The following SORCS1 variants were observed in gnomAD, a reference collection of about 807,000 sequenced individuals.
The protein encoded by SORCS1 is VPS10 domain-containing receptor SorCS1.
Under a neutral mutation model 146.1 loss-of-function variants are expected in SORCS1, and 60 were observed. The observed-to-expected ratio is 0.41, with a 90% CI of 0.33 to 0.51. The LOEUF (loss-of-function observed/expected upper bound fraction) is 0.51, where lower values mean the gene tolerates loss of function less well. Ranked by LOEUF, SORCS1 falls within the 20% of genes least tolerant of loss-of-function variation. SORCS1 has a pLI of 0.21. For missense variants in SORCS1, 1,352 were observed against 1,487.6 expected, an observed-to-expected ratio of 0.91 and a Z score of 1.50; for synonymous variants, 637 against 584.0, an observed-to-expected ratio of 1.09 and a Z score of -1.31.
chr10:106,759,212 TG>T (rs1858891024), intron 5 of SORCS1, among the ~76,000 whole-genome samples: 1 of 152,192 alleles, frequency 6.6e-6, no homozygotes, highest in Non-Finnish European at 1.5e-5. Context: ...CTATTCTGCC[TG>T]TAACTCTAAA....
intron 3 of SORCS1, among the ~76,000 whole-genome samples, chr10:106,792,013 T>C (rs930279461): frequency 6.6e-6 from 1 of 152,242 alleles, no homozygotes; most frequent in African/African-American, 2.4e-5. Context: ...TTTAAAATTC[T>C]GGGTATGTCT....
At chr10:106,649,220 G>A (rs1175926256) in intron 18 of SORCS1, among the ~76,000 whole-genome samples, 2 of 152,138 alleles carry the variant, frequency 1.3e-5, no homozygotes, top group Non-Finnish European at 2.9e-5. Flanking sequence ...GTTAAGACAA[G>A]CTGTCTACAG....
chr10:106,828,606 G>T (rs1162509273), intron 3 of SORCS1, among the ~76,000 whole-genome samples: 1 of 152,116 alleles, frequency 6.6e-6, no homozygotes, highest in Non-Finnish European at 1.5e-5. Flanking sequence ...ATGGTTTAGG[G>T]TATGTTAATG....
chr10:106,991,651 G>GT (rs1956776799), intron 1 of SORCS1, among the ~76,000 whole-genome samples: 1 of 152,104 alleles, frequency 6.6e-6, no homozygotes, highest in African/African-American at 2.4e-5. Context: ...ATAATTATCT[G>GT]TTTTTGATTA....
At chr10:106,907,531 T>C (rs552205189) in intron 2 of SORCS1, among the ~76,000 whole-genome samples, 14 of 152,218 alleles carry the variant, frequency 9.2e-5, no homozygotes, top group Non-Finnish European at 1.9e-4. Flanking sequence ...TATTTTAATA[T>C]TGAAGTCTTA....
intron 2 of SORCS1, among the ~76,000 whole-genome samples, chr10:106,877,841 A>G (rs954561519): frequency 6.6e-6 from 1 of 152,184 alleles, no homozygotes. Flanking sequence ...AAAAGCAGGC[A>G]GATTCTTCCA....
At chr10:106,962,326 T>G (rs541874173) in intron 1 of SORCS1, among the ~76,000 whole-genome samples, 1 of 128,080 alleles carries the variant, frequency 7.8e-6, no homozygotes, top group Admixed American at 1.1e-4. Context: ...ACCTGGGAGG[T>G]AGAGGTTGTG....
At position 106,788,933 on chromosome 10, in the gene SORCS1, C is replaced by A. The variant is rs192735616; in HGVS notation, c.727-12241G>T. Reference sequence around the variant, plus strand: ...GCAGAGGTTCTCCATGAGGCCTCTGCCCCTGCCTCAAACTTCTGTCAAGAC... The same window carrying A: ...GCAGAGGTTCTCCATGAGGCCTCTGACCCTGCCTCAAACTTCTGTCAAGAC... On this transcript the variant is annotated intron_variant, in intron 3 of 25. Transcript: ENST00000263054. Among the ~76,000 whole-genome samples the A allele has an allele frequency of 2.4e-3, 362 of 152,312 alleles. 4 individuals carry two copies. Among genetic ancestry groups the A allele is most frequent in the African/African-American group, 8.3e-3 (343 of 41,564 alleles).
chr10:106,884,569 A>C (rs921650795), intron 2 of SORCS1, among the ~76,000 whole-genome samples: 5 of 152,202 alleles, frequency 3.3e-5, no homozygotes, highest in Admixed American at 2.0e-4. Flanking sequence ...AGCTTCACTT[A>C]GGACTTCCAA....
chr10:107,057,501 T>A (rs1960759797), intron 1 of SORCS1, among the ~76,000 whole-genome samples: 1 of 152,154 alleles, frequency 6.6e-6, no homozygotes, highest in African/African-American at 2.4e-5. Flanking sequence ...AGGGCCCAAT[T>A]GCATTCAACT....
intron 3 of SORCS1, among the ~76,000 whole-genome samples, chr10:106,812,675 TAATA>T (rs1210420363): frequency 2.0e-5 from 3 of 152,196 alleles, no homozygotes; most frequent in African/African-American, 7.2e-5. Flanking sequence ...GTTCAGTGTT[TAATA>T]GAGTAAATGC....
intron 8 of SORCS1, among the ~76,000 whole-genome samples, chr10:106,701,008 G>C (rs1854099596): frequency 6.6e-6 from 1 of 152,144 alleles, no homozygotes; most frequent in Non-Finnish European, 1.5e-5. Flanking sequence ...ATTGCCCTCA[G>C]ATACCAAAAT....
intron 2 of SORCS1, among the ~76,000 whole-genome samples, chr10:106,949,684 G>C (rs1156366858): frequency 2.0e-5 from 3 of 152,162 alleles, no homozygotes; most frequent in Admixed American, 1.3e-4. Context: ...CTTGCTTTGT[G>C]CCCCTCCAAA....
intron 1 of SORCS1, among the ~76,000 whole-genome samples, chr10:107,037,369 C>T (rs1414331733): frequency 6.6e-6 from 1 of 152,230 alleles, no homozygotes; most frequent in Non-Finnish European, 1.5e-5. Flanking sequence ...TGAGGGCAGG[C>T]TACCGCAAGC....
intron 5 of SORCS1, among the ~76,000 whole-genome samples, chr10:106,742,014 T>A (rs927869975): frequency 8.5e-5 from 13 of 152,192 alleles, no homozygotes; most frequent in African/African-American, 3.1e-4. Context: ...TATTGGTACT[T>A]CTGCAAAAAT....
chr10:106,787,431 A>G (rs1946106033), intron 3 of SORCS1, among the ~76,000 whole-genome samples: 1 of 152,206 alleles, frequency 6.6e-6, no homozygotes. Context: ...TATCATGCCC[A>G]GGCCCACATA....
intron 1 of SORCS1, among the ~76,000 whole-genome samples, chr10:107,030,807 A>G (rs374611083): frequency 1.3e-5 from 2 of 152,336 alleles, no homozygotes; most frequent in East Asian, 3.9e-4. Flanking sequence ...GGAAAGCTAT[A>G]CTAGAAGGAA....
At chr10:106,987,399 A>AT (rs1457071259) in intron 1 of SORCS1, among the ~76,000 whole-genome samples, 1 of 152,196 alleles carries the variant, frequency 6.6e-6, no homozygotes, top group East Asian at 1.9e-4. Flanking sequence ...GCTCCTTAGA[A>AT]TTCAGGAATC....
chr10:106,647,957 T>A (rs190609206), intron 18 of SORCS1, among the ~76,000 whole-genome samples: 1 of 152,332 alleles, frequency 6.6e-6, no homozygotes, highest in East Asian at 1.9e-4. Flanking sequence ...AGCTTTGAAC[T>A]CCTGTGCTCA....
Sources: allele counts gnomAD v4.1 joint callset (sites outside exome capture counted in the v4.1 genomes callset), GRCh38; gene constraint gnomAD v4.1.1; transcripts MANE v1.5; gene names NCBI Gene and HGNC (gene_info 2026-07-23, HGNC 2026-07-21).